The following CCDC85A variants were observed in gnomAD, a reference collection of about 807,000 sequenced individuals.
CCDC85A encodes the protein coiled-coil domain-containing protein 85A.
Under a neutral mutation model 50.2 loss-of-function variants are expected in CCDC85A, and 38 were observed. That is an observed-to-expected ratio of 0.76 (90% CI 0.58 to 0.99). The LOEUF is 0.99. CCDC85A is among the 50% of genes least tolerant of loss of function. CCDC85A has a pLI of 0.00. For missense variants in CCDC85A, 820 were observed against 742.0 expected, an observed-to-expected ratio of 1.11 and a Z score of -1.22; for synonymous variants, 366 against 301.4, an observed-to-expected ratio of 1.21 and a Z score of -2.22.
intron 2 of CCDC85A, among the ~76,000 whole-genome samples, chr2:56,274,956 G>A (rs1670860176): frequency 6.6e-6 from 1 of 152,146 alleles, no homozygotes; most frequent in Non-Finnish European, 1.5e-5. Context: ...GGTTAAGAGA[G>A]AGAAACCAAG....
chr2:56,283,130 G>C (rs1671280327), intron 2 of CCDC85A, among the ~76,000 whole-genome samples: 1 of 152,044 alleles, frequency 6.6e-6, no homozygotes, highest in South Asian at 2.1e-4. Context: ...TCCAATATGT[G>C]TAGTTTATTT....
At chr2:56,379,644 A>G (rs887822338) in intron 5 of CCDC85A, 1 of 171,934 alleles carries the variant, frequency 5.8e-6, no homozygotes, top group Non-Finnish European at 1.2e-5. Context: ...ATATGCAGAC[A>G]TGGAGAAAAC....
intron 2 of CCDC85A, among the ~76,000 whole-genome samples, chr2:56,198,903 G>T (rs1676630443): frequency 6.6e-6 from 1 of 152,176 alleles, no homozygotes; most frequent in Admixed American, 6.5e-5. Context: ...TCAAGCTAAT[G>T]TTCAAATGTG....
chr2:56,375,187 T>C (rs1676273466), intron 4 of CCDC85A, among the ~76,000 whole-genome samples: 2 of 152,172 alleles, frequency 1.3e-5, no homozygotes, highest in African/African-American at 4.8e-5. Context: ...GTCAAATTAA[T>C]CATGTACAGG....
At chr2:56,276,976 C>A (rs1573156483) in intron 2 of CCDC85A, among the ~76,000 whole-genome samples, 2 of 152,168 alleles carry the variant, frequency 1.3e-5, no homozygotes, top group African/African-American at 4.8e-5. Flanking sequence ...ACTACACAGC[C>A]TGAGGAGCAG....
At chr2:56,368,467 A>C (rs1196786201) in intron 3 of CCDC85A, among the ~76,000 whole-genome samples, 1 of 152,186 alleles carries the variant, frequency 6.6e-6, no homozygotes, top group Admixed American at 6.6e-5. Context: ...GATTAAGCAA[A>C]GTATCTGCCT....
At chr2:56,371,001 G>C (rs898105121) in intron 3 of CCDC85A, among the ~76,000 whole-genome samples, 1 of 152,018 alleles carries the variant, frequency 6.6e-6, no homozygotes, top group Non-Finnish European at 1.5e-5. Flanking sequence ...TGGGAGGTGA[G>C]TATTAAGCTG....
chr2:56,198,603 A>C (rs1676617915), intron 2 of CCDC85A, among the ~76,000 whole-genome samples: 1 of 152,238 alleles, frequency 6.6e-6, no homozygotes, highest in African/African-American at 2.4e-5. Flanking sequence ...TTAATATTGA[A>C]AATATAGTTT....
At chr2:56,311,914 C>T (rs1435353625) in intron 2 of CCDC85A, among the ~76,000 whole-genome samples, 8 of 152,044 alleles carry the variant, frequency 5.3e-5, no homozygotes, top group African/African-American at 1.9e-4. Flanking sequence ...GAACCAGCAT[C>T]ACATTTTAAC....
chr2:56,342,988 G>T (rs771158170), intron 3 of CCDC85A, 33 bp downstream of exon 3: 35 of 1,416,364 alleles, frequency 2.5e-5, no homozygotes, highest in Non-Finnish European at 3.4e-5. Context: ...TAGCTAGTCA[G>T]TGCCATTTAA....
Position 56,192,607 on chromosome 2 carries a change from T to A in CCDC85A, c.407T>A (p.Val136Glu). 1 of 1,612,906 alleles carries A rather than the reference T, an allele frequency of 6.2e-7. No individual in the cohort carries two copies. Among genetic ancestry groups the A allele is most frequent in the Non-Finnish European group, 8.5e-7 (1 of 1,179,648 alleles). Residue 136 changes from valine (V) to glutamate (E), a missense_variant, in exon 2 of 6, where the codon GTG becomes GAG. Val to Glu is a moderately radical substitution (Grantham distance 121, BLOSUM62 -2). Transcript: ENST00000407595. The surrounding 1 kb of genome is among the most constrained non-coding windows in gnomAD (Gnocchi z 4.7). ...AGACTGGGTCGCTACACTGCCGGGG[T>A]GATGCACAAGGAAGTGGCCTTATAC... ...WQRLGRYTAGVMHKEVALYLQ... is the reference protein window; with the variant it reads ...WQRLGRYTAGEMHKEVALYLQ...
Position 56,329,515 on chromosome 2 carries a change from A to G in CCDC85A, c.1241-13364A>G, listed in dbSNP as rs1424670071. Among the ~76,000 whole-genome samples, 3 of 152,222 alleles carry G rather than the reference A, an allele frequency of 2.0e-5. No individual in the cohort carries two copies. The East Asian group carries it at 5.8e-4, about 29-fold the overall frequency. On this transcript the variant is annotated intron_variant, in intron 2 of 5. Transcript: ENST00000407595. ...TCCAACGTACAAAAAAGTTCAAAGT[A>G]TGTGCTAATTTAGATTATCTAAACT...
chr2:56,353,437 C>A (rs1469445540), intron 3 of CCDC85A, among the ~76,000 whole-genome samples: 1 of 152,218 alleles, frequency 6.6e-6, no homozygotes, highest in Non-Finnish European at 1.5e-5. Flanking sequence ...ATCCAAAGAG[C>A]TAACTCCTTC....
chr2:56,225,382 C>T (rs777703228), intron 2 of CCDC85A, among the ~76,000 whole-genome samples: 3 of 152,020 alleles, frequency 2.0e-5, no homozygotes, highest in East Asian at 1.9e-4. Context: ...GCCGAGACTG[C>T]GCCACTGCAT....
At chr2:56,220,055 T>A (rs1481539649) in intron 2 of CCDC85A, among the ~76,000 whole-genome samples, 1 of 151,926 alleles carries the variant, frequency 6.6e-6, no homozygotes, top group Non-Finnish European at 1.5e-5. Context: ...GAGACAAATG[T>A]GATTTGCCAG....
intron 3 of CCDC85A, among the ~76,000 whole-genome samples, chr2:56,360,446 T>TA (rs1161046406): frequency 1.4e-4 from 21 of 152,248 alleles, no homozygotes; most frequent in Admixed American, 1.3e-3. Context: ...ATTTTTTTTT[T>TA]AAAAAGACAT....
At chr2:56,276,073 G>C (rs886137890) in intron 2 of CCDC85A, among the ~76,000 whole-genome samples, 1 of 152,122 alleles carries the variant, frequency 6.6e-6, no homozygotes, top group Non-Finnish European at 1.5e-5. Context: ...CAGATTGGTA[G>C]CTTTGAGGGA....
At chr2:56,349,189 A>T (rs1674777850) in intron 3 of CCDC85A, among the ~76,000 whole-genome samples, 6 of 152,172 alleles carry the variant, frequency 3.9e-5, no homozygotes. Context: ...AGTTAAATCC[A>T]TTAAGGATTG....
intron 2 of CCDC85A, among the ~76,000 whole-genome samples, chr2:56,272,807 C>A (rs1337304005): frequency 6.6e-6 from 1 of 152,198 alleles, no homozygotes; most frequent in Non-Finnish European, 1.5e-5. Context: ...TCCAAGGCAA[C>A]TTGCTCAGCC....
Sources: gnomAD v4.1 joint callset for allele counts (sites outside exome capture counted in the v4.1 genomes callset) on GRCh38, gnomAD v4.1.1 for gene constraint, Gnocchi (gnomAD v3.1) non-coding constraint, MANE v1.5 for transcripts, NCBI Gene and HGNC (gene_info 2026-07-23, HGNC 2026-07-21) for gene names.